Variants in ARSB observed in about 807,000 individuals in gnomAD.
The protein encoded by ARSB is arylsulfatase B.
ARSB carries 41 observed loss-of-function variants against 50.9 expected under a neutral mutation model. That is an observed-to-expected ratio of 0.81 (90% CI 0.63 to 1.04). ARSB has a LOEUF of 1.04. Among genes scored for constraint, ARSB ranks in the 50% least tolerant of loss-of-function variants. ARSB has a pLI of 0.00. For missense variants in ARSB, 672 were observed against 693.3 expected, an observed-to-expected ratio of 0.97 and a Z score of 0.35; for synonymous variants, 269 against 284.8, an observed-to-expected ratio of 0.94 and a Z score of 0.56.
At chr5:78,925,462 A>G (rs1341327416) in intron 4 of ARSB, among the ~76,000 whole-genome samples, 2 of 152,206 alleles carry the variant, frequency 1.3e-5, no homozygotes, top group Non-Finnish European at 2.9e-5. Context: ...CCGAGAAGCT[A>G]GCAAGGATGC....
intron 1 of ARSB, among the ~76,000 whole-genome samples, chr5:78,974,244 G>C (rs1338524338): frequency 6.6e-6 from 1 of 152,210 alleles, no homozygotes; most frequent in East Asian, 1.9e-4. Context: ...GTGTGCTAGG[G>C]GCCTGGCTTT....
chr5:78,780,243 T>G lies in ARSB; in HGVS notation c.*154A>C. 1 of 944,518 alleles carries G rather than the reference T, an allele frequency of 1.1e-6. No individual in the cohort carries two copies. 58.5% of individuals were successfully genotyped at this position (944,518 alleles called of 1,614,324 possible). ...TTGCAGATTTTATCAGCTTCTTAAA[T>G]GCATTAGGGGTTGAAATTAGACACC... On this transcript the variant is annotated 3_prime_UTR_variant, in exon 8 of 8. Transcript: ENST00000264914.
At chr5:78,863,367 T>A (rs555312781) in intron 5 of ARSB, among the ~76,000 whole-genome samples, 195 of 152,138 alleles carry the variant, frequency 1.3e-3, no homozygotes, top group Non-Finnish European at 2.2e-3. Context: ...CACATGTCCA[T>A]CAATGATAGA....
rs534816593 is a variant in ARSB, at chr5:78,958,735, G to C, written c.691-3233C>G. ...ATTGTTCTTCTTCTGTAAATAACTA[G>C]GAAAGACCAGAGACCAGGACTCCTC... On this transcript the variant is annotated intron_variant, in intron 3 of 7. Coordinates refer to ENST00000264914, the MANE Select transcript of ARSB (RefSeq NM_000046.5). 3.3e-5 allele frequency among the ~76,000 whole-genome samples: 5 copies of C among 152,046 alleles called. No individual in the cohort carries two copies. The East Asian group carries it at 9.7e-4, about 29-fold the overall frequency.
chr5:78,780,092 G>A lies in ARSB; in HGVS notation c.*305C>T. 1 of 389,740 alleles carries A rather than the reference G, an allele frequency of 2.6e-6. No homozygotes were observed. The highest frequency in any genetic ancestry group is 4.8e-6 in the Non-Finnish European group (1 of 207,374). 24.1% of individuals were successfully genotyped at this position (389,740 alleles called of 1,614,324 possible). On this transcript the variant is annotated 3_prime_UTR_variant, in exon 8 of 8. Transcript: ENST00000264914. The stretch of plus-strand genomic sequence containing the variant: ...GAGTCTAAAAGAGCCAGCTGTTCCA[G>A]CCTCCAGGATTCAGTGAGAACTTCC...
At chr5:78,863,762 T>C (rs996375608) in intron 5 of ARSB, among the ~76,000 whole-genome samples, 1 of 150,848 alleles carries the variant, frequency 6.6e-6, no homozygotes, top group Non-Finnish European at 1.5e-5. Flanking sequence ...ATAATAATAA[T>C]AAAAAAAAAT....
At chr5:78,886,864 A>C (rs1036747635) in intron 4 of ARSB, among the ~76,000 whole-genome samples, 10 of 152,206 alleles carry the variant, frequency 6.6e-5, no homozygotes, top group African/African-American at 2.4e-4. Context: ...TTTATTAAGA[A>C]ATCAGAGATC....
intron 4 of ARSB, among the ~76,000 whole-genome samples, chr5:78,928,921 G>C (rs563756116): frequency 4.4e-4 from 67 of 152,222 alleles, no homozygotes; most frequent in Non-Finnish European, 7.6e-4. Context: ...AGGCTGGACA[G>C]GCCTAGTCAA....
At chr5:78,804,014 G>A (rs1378512072) in intron 6 of ARSB, among the ~76,000 whole-genome samples, 1 of 152,196 alleles carries the variant, frequency 6.6e-6, no homozygotes, top group African/African-American at 2.4e-5. Context: ...CAGGGCCCCT[G>A]GCAGTCCTGC....
intron 6 of ARSB, among the ~76,000 whole-genome samples, chr5:78,786,466 C>T (rs1435285388): frequency 6.6e-6 from 1 of 151,992 alleles, no homozygotes; most frequent in Non-Finnish European, 1.5e-5. Flanking sequence ...GTACCATTAA[C>T]ATTCATGTAC....
At chr5:78,933,256 G>A (rs770045984) in intron 4 of ARSB, among the ~76,000 whole-genome samples, 2 of 152,182 alleles carry the variant, frequency 1.3e-5, no homozygotes, top group African/African-American at 4.8e-5. Flanking sequence ...GAATGGGCCT[G>A]AATTTTTATA....
At position 78,791,966 on chromosome 5, in the gene ARSB, GGAA is replaced by G. The variant is rs1443159976; in HGVS notation, c.1214-9995_1214-9993del. On this transcript the variant is annotated intron_variant, in intron 6 of 7. Transcript: ENST00000264914. ...TCTTCTGGCTTCCTTGAGCCACACT[GGAA>G]GAAGAAGAATTGTCTTGGGCCACAC... Among the ~76,000 whole-genome samples, 95 of 151,864 alleles carry G rather than the reference GGAA, an allele frequency of 6.3e-4. 1 individual carries two copies. The highest frequency in any genetic ancestry group is 6.2e-4 in the South Asian group (3 of 4,812).
At chr5:78,854,622 A>G (rs1440124210) in intron 5 of ARSB, among the ~76,000 whole-genome samples, 1 of 146,392 alleles carries the variant, frequency 6.8e-6, no homozygotes, top group African/African-American at 2.5e-5. Flanking sequence ...CTGCAGTAAC[A>G]AGGTTTTCTC....
In ARSB at chr5:78,970,175, C is replaced by A. The variant is rs549981922; in HGVS notation, c.313-983G>T. On this transcript the variant is annotated intron_variant, in intron 1 of 7. Transcript: ENST00000264914. ...TTATATGAAAAGGATATTAAAATAG[C>A]CCTCCCTTTTCCAACTACACATCTT... 3.2e-3 allele frequency among the ~76,000 whole-genome samples: 466 copies of A among 143,664 alleles called. 3 individuals are homozygous for A. Among genetic ancestry groups the A allele is most frequent in the South Asian group, 5.9e-3 (27 of 4,546 alleles). 94.2% of individuals were successfully genotyped at this position (143,664 alleles called of 152,430 possible).
At chr5:78,941,293 T>C (rs1036835952) in intron 4 of ARSB, among the ~76,000 whole-genome samples, 1 of 150,958 alleles carries the variant, frequency 6.6e-6, no homozygotes, top group African/African-American at 2.4e-5. Flanking sequence ...TCCTGCCTAA[T>C]TGCCCTGGCC....
intron 4 of ARSB, among the ~76,000 whole-genome samples, chr5:78,948,725 C>T (rs1208395264): frequency 1.3e-5 from 2 of 152,118 alleles, no homozygotes; most frequent in East Asian, 1.9e-4. Context: ...TTCCAGCTGT[C>T]ATATATATAT....
At chr5:78,795,629 C>G (rs2112637480) in intron 6 of ARSB, among the ~76,000 whole-genome samples, 1 of 152,308 alleles carries the variant, frequency 6.6e-6, no homozygotes, top group Admixed American at 6.5e-5. Flanking sequence ...AGAATCCTGT[C>G]TGTCCTTGGA....
At chr5:78,900,492 T>C (rs1472174298) in intron 4 of ARSB, among the ~76,000 whole-genome samples, 1 of 152,114 alleles carries the variant, frequency 6.6e-6, no homozygotes, top group Non-Finnish European at 1.5e-5. Flanking sequence ...TGCTTGGTGC[T>C]GAAAGAATGT....
At chr5:78,970,996 T>C (rs1752430853) in intron 1 of ARSB, among the ~76,000 whole-genome samples, 1 of 152,120 alleles carries the variant, frequency 6.6e-6, no homozygotes, top group Non-Finnish European at 1.5e-5. Context: ...AAACCTTTTC[T>C]GAAGAGGAGA....
Sources: gnomAD v4.1 joint callset for allele counts (sites outside exome capture counted in the v4.1 genomes callset) on GRCh38, gnomAD v4.1.1 for gene constraint, MANE v1.5 for transcripts, NCBI Gene and HGNC (gene_info 2026-07-23, HGNC 2026-07-21) for gene names.